BRMS1L: variants seen among roughly 807,000 people sequenced by gnomAD.
BRMS1L encodes the protein BRMS1 like transcriptional repressor.
BRMS1L carries 23 observed loss-of-function variants against 50.3 expected under a neutral mutation model. That is an observed-to-expected ratio of 0.46 (90% CI 0.33 to 0.65). The LOEUF is 0.65. BRMS1L is among the 30% of genes least tolerant of loss of function. The pLI is 0.02. For missense variants in BRMS1L, 286 were observed against 386.1 expected, an observed-to-expected ratio of 0.74 and a Z score of 2.17; for synonymous variants, 114 against 126.9, an observed-to-expected ratio of 0.90 and a Z score of 0.69.
At chr14:35,853,016 A>ATCTATCTATC (rs552883048) in intron 4 of BRMS1L, among the ~76,000 whole-genome samples, 117 of 150,446 alleles carry the variant, frequency 7.8e-4, no homozygotes, top group African/African-American at 2.7e-3. Flanking sequence ...CTATCTATCT[A>ATCTATCTATC]TATATAGAGA....
intron 4 of BRMS1L, among the ~76,000 whole-genome samples, chr14:35,857,942 G>T (rs535922571): frequency 7.3e-6 from 1 of 136,438 alleles, no homozygotes; most frequent in Admixed American, 7.6e-5. Context: ...ATGTACAGTT[G>T]TATTGATTTT....
At chr14:35,862,304 A>G (rs1167397618) in intron 4 of BRMS1L, among the ~76,000 whole-genome samples, 7 of 152,142 alleles carry the variant, frequency 4.6e-5, no homozygotes, top group Non-Finnish European at 8.8e-5. Context: ...GGGGTTTGCT[A>G]TGAGTTTTTT....
chr14:35,826,894 G>A (rs1320389784), intron 1 of BRMS1L: 1 of 539,052 alleles, frequency 1.9e-6, no homozygotes, highest in Non-Finnish European at 3.1e-6. Flanking sequence ...CCCAAACGCG[G>A]CGTGGTCCTG....
chr14:35,831,626 G>C (rs760337412), intron 2 of BRMS1L, 126 bp downstream of exon 2: 8 of 671,210 alleles, frequency 1.2e-5, no homozygotes, highest in Non-Finnish European at 2.1e-5. Flanking sequence ...ATTTGAAAGA[G>C]GCTTCAACTA....
intron 4 of BRMS1L, among the ~76,000 whole-genome samples, chr14:35,837,138 C>G (rs2078005556): frequency 6.6e-6 from 1 of 151,896 alleles, no homozygotes; most frequent in African/African-American, 2.4e-5. Flanking sequence ...GCCTGTAATC[C>G]CAGGTACTTG....
intron 4 of BRMS1L, among the ~76,000 whole-genome samples, chr14:35,839,139 A>C (rs1398772415): frequency 6.6e-6 from 1 of 152,160 alleles, no homozygotes; most frequent in African/African-American, 2.4e-5. Context: ...TCCTTTCCCC[A>C]ATGCTTGTTT....
chr14:35,838,186 C>G (rs1000551956), intron 4 of BRMS1L, among the ~76,000 whole-genome samples: 13 of 152,190 alleles, frequency 8.5e-5, no homozygotes. Flanking sequence ...ATCCATGTCC[C>G]TGCAAAGGAC....
intron 4 of BRMS1L, 129 bp downstream of exon 4, chr14:35,835,052 T>TAA (rs3058641): frequency 1.7e-3 from 671 of 398,074 alleles, no homozygotes; most frequent in Middle Eastern, 5.0e-3. Flanking sequence ...TGTGTGTGAT[T>TAA]AAAAAAAAAA....
intron 4 of BRMS1L, among the ~76,000 whole-genome samples, chr14:35,849,039 A>G (rs1314421922): frequency 6.6e-6 from 1 of 151,990 alleles, no homozygotes; most frequent in Non-Finnish European, 1.5e-5. Context: ...AATTTTTTAT[A>G]GAGACAGAAT....
intron 4 of BRMS1L, among the ~76,000 whole-genome samples, chr14:35,842,751 GGA>G (rs532102689): frequency 1.8e-3 from 281 of 152,196 alleles, no homozygotes; most frequent in Middle Eastern, 3.4e-3. Flanking sequence ...AAGTGCTCCT[GGA>G]TAATATCCTG....
intron 4 of BRMS1L, among the ~76,000 whole-genome samples, chr14:35,835,986 T>TAAA (rs1348686437): frequency 6.6e-6 from 1 of 152,226 alleles, no homozygotes; most frequent in Non-Finnish European, 1.5e-5. Context: ...TTCTGTCACT[T>TAAA]TAATGTGCCG....
At chr14:35,836,174 A>G (rs145234692) in intron 4 of BRMS1L, among the ~76,000 whole-genome samples, 28 of 152,256 alleles carry the variant, frequency 1.8e-4, no homozygotes, top group South Asian at 4.1e-4. Flanking sequence ...CATTGACTAT[A>G]TAAGTTCTTT....
In BRMS1L at chr14:35,833,002, G is replaced by C. The variant is rs1249145970; in HGVS notation, c.258G>C (p.Gln86His). The C allele has an allele frequency of 6.2e-7, 1 of 1,612,772 alleles. No individual in the cohort carries two copies. The highest frequency in any genetic ancestry group is 1.1e-5 in the South Asian group (1 of 90,894). ...KDQLYKERLS[Q>H]VDAKLQEVIA... ...GACTTTATAAAGAACGATTAAGTCA[G>C]GTGGATGCAAAACTACAAGAAGTCA... is the stretch of plus-strand genomic sequence containing the variant. Residue 86 changes from glutamine to histidine, a missense_variant, in exon 3 of 10, where the codon CAG (glutamine) becomes CAC (histidine). By Grantham distance (24) the Gln-to-His change is conservative. Transcript: ENST00000216807.
intron 3 of BRMS1L, among the ~76,000 whole-genome samples, chr14:35,834,178 G>A (rs1337406588): frequency 1.3e-5 from 2 of 152,118 alleles, no homozygotes; most frequent in African/African-American, 2.4e-5. Context: ...GGCCAACTAT[G>A]GCATAAAGCT....
At chr14:35,827,560 C>G (rs2077861421) in intron 1 of BRMS1L, among the ~76,000 whole-genome samples, 1 of 152,158 alleles carries the variant, frequency 6.6e-6, no homozygotes, top group Non-Finnish European at 1.5e-5. Context: ...GTTTCCCTTG[C>G]AAAGCAAATC....
chr14:35,842,488 A>G (rs2078079655), intron 4 of BRMS1L, among the ~76,000 whole-genome samples: 1 of 152,178 alleles, frequency 6.6e-6, no homozygotes, highest in Non-Finnish European at 1.5e-5. Flanking sequence ...TTTCTTTAAG[A>G]ATATTGAATA....
intron 4 of BRMS1L, among the ~76,000 whole-genome samples, chr14:35,844,158 G>C (rs1340373199): frequency 6.6e-6 from 1 of 152,134 alleles, no homozygotes; most frequent in East Asian, 1.9e-4. Context: ...AAGACCACTT[G>C]GCTCCATGGC....
Position 35,826,537 on chromosome 14 carries a change from G to A in BRMS1L, c.21G>A (p.Gly7=), listed in dbSNP as rs2077845023. The change falls in exon 1 of 10, where the codon GGG becomes GGA. Residue 7 remains glycine (G), a synonymous_variant. Transcript: ENST00000216807. MPVHSR[G]DKKETNHHDE... is the part of the protein sequence containing the mutation. ...GGAAAATGCCAGTCCATTCCCGAGG[G>A]GATAAGAAGGAGACCAACCATCACG... 10 of 1,596,548 alleles carry A rather than the reference G, an allele frequency of 6.3e-6. No individual in the cohort carries two copies. The highest frequency in any genetic ancestry group is 8.5e-6 in the Non-Finnish European group (10 of 1,172,546).
intron 4 of BRMS1L, among the ~76,000 whole-genome samples, chr14:35,842,052 TTTA>T (rs1401503391): frequency 6.6e-6 from 1 of 150,814 alleles, no homozygotes; most frequent in African/African-American, 2.4e-5. Context: ...CCTCCATCCC[TTTA>T]TTTTGAGCTT....
Sources: gnomAD v4.1 joint callset for allele counts (sites outside exome capture counted in the v4.1 genomes callset) on GRCh38, gnomAD v4.1.1 for gene constraint, MANE v1.5 for transcripts, NCBI Gene and HGNC (gene_info 2026-07-23, HGNC 2026-07-21) for gene names.